Variants in CD33 observed in about 807,000 individuals in gnomAD.
CD33 encodes the protein myeloid cell surface antigen CD33.
In CD33, 25 loss-of-function variants were observed where a neutral mutation model predicts 31.4. The observed-to-expected ratio is 0.80, with a 90% CI of 0.58 to 1.11. The LOEUF (loss-of-function observed/expected upper bound fraction) is 1.11. Among genes scored for constraint, CD33 ranks in the 50% most tolerant of loss-of-function variants. CD33 has a pLI of 0.00. For synonymous variants in CD33, 176 were observed against 180.6 expected (o/e 0.97, Z 0.20); for missense variants, 407 against 448.1 (o/e 0.91, Z 0.83).
upstream of CD33, among the ~76,000 whole-genome samples, chr19:51,221,511 G>T (rs374524640): frequency 1.8e-4 from 27 of 152,242 alleles, no homozygotes; most frequent in African/African-American, 6.5e-4. Context: ...TGTTAACAAG[G>T]ATGTGAAACA....
At chr19:51,227,293 A>G (rs1981104476) in intron 4 of CD33, among the ~76,000 whole-genome samples, 1 of 152,278 alleles carries the variant, frequency 6.6e-6, no homozygotes. Flanking sequence ...AGAAACTTCC[A>G]TACTCTTCTC....
At chr19:51,217,708 C>T in the CD33 span, among the ~76,000 whole-genome samples, 2 of 152,146 alleles carry the variant, frequency 1.3e-5, no homozygotes, top group African/African-American at 4.8e-5. Context: ...CATGAGCTAC[C>T]ACTCCTGGCC....
chr19:51,226,646 T>C (rs1981057633), intron 4 of CD33, among the ~76,000 whole-genome samples: 1 of 152,216 alleles, frequency 6.6e-6, no homozygotes, highest in Non-Finnish European at 1.5e-5. Context: ...GATGTTTCCA[T>C]ACTAATAATG....
At chr19:51,219,961 A>G in the CD33 span, among the ~76,000 whole-genome samples, 1 of 152,198 alleles carries the variant, frequency 6.6e-6, no homozygotes, top group East Asian at 1.9e-4. Context: ...GTCTATGTTC[A>G]TCAGGGATAT....
chr19:51,211,096 C>T, the CD33 span: 1 of 1,547,650 alleles, frequency 6.5e-7, no homozygotes. Context: ...CCCGGGAAGC[C>T]TCTGCCTCAG....
At chr19:51,214,389 G>T in the CD33 span, among the ~76,000 whole-genome samples, 1 of 144,088 alleles carries the variant, frequency 6.9e-6, no homozygotes, top group Non-Finnish European at 1.5e-5. Context: ...GTAGAGACAG[G>T]GTTTCACCAT....
At chr19:51,226,244 G>A (rs1981020343) in intron 3 of CD33, 65 bp from the exon 4 acceptor site, 8 of 1,548,682 alleles carry the variant, frequency 5.2e-6, no homozygotes, top group South Asian at 2.2e-5. Context: ...CAGGAGTAAG[G>A]GGAAATGCCT....
intron 6 of CD33, chr19:51,236,235 C>A (rs1006729103): frequency 9.5e-6 from 2 of 210,786 alleles, no homozygotes; most frequent in Non-Finnish European, 2.0e-5. Context: ...TATGGAGAAG[C>A]ACCAGGGTCA....
chr19:51,235,469 A>T (rs1981717237), intron 5 of CD33, 126 bp from the exon 6 acceptor site: 3 of 1,456,318 alleles, frequency 2.1e-6, no homozygotes, highest in Middle Eastern at 2.4e-4. Flanking sequence ...CTTGTGACTA[A>T]GTCTTGTTTG....
upstream of CD33, among the ~76,000 whole-genome samples, chr19:51,224,665 C>T (rs375412504): frequency 5.9e-5 from 9 of 152,148 alleles, no homozygotes; most frequent in African/African-American, 1.2e-4. Context: ...GACACTCACA[C>T]GGACCCTATA....
chr19:51,211,184 G>C, the CD33 span: 31 of 1,583,142 alleles, frequency 2.0e-5, no homozygotes, highest in Admixed American at 3.6e-5. Context: ...GGGCTGGGCC[G>C]AGCTGACCCT....
Position 51,225,401 on chromosome 19 carries a change from C to T in CD33, c.221C>T (p.Ala74Val). Residue 74 changes from alanine (A) to valine (V), a missense_variant, in exon 2 of 7, where the codon GCC (alanine) becomes GTC (valine). Coordinates refer to ENST00000262262, the MANE Select transcript of CD33 (RefSeq NM_001772.4). The stretch of plus-strand genomic sequence containing the variant: ...ATTATATCCAGGGACTCTCCAGTGG[C>T]CACAAACAAGCTAGATCAAGAAGTA... ...GAIISRDSPV[A>V]TNKLDQEVQE... 1.9e-6 allele frequency: 3 copies of T among 1,614,140 alleles called. No homozygotes were observed. The highest frequency in any genetic ancestry group is 2.5e-6 in the Non-Finnish European group (3 of 1,180,004).
chr19:51,225,255 G>A lies in CD33; in HGVS notation c.75G>A (p.Val25=). 6.2e-7 allele frequency: 1 copy of A among 1,613,922 alleles called. No individual in the cohort carries two copies. The highest frequency in any genetic ancestry group is 8.5e-7 in the Non-Finnish European group (1 of 1,179,856). ...LAMDPNFWLQ[V]QESVTVQEGL... ...TGGATCCAAATTTCTGGCTGCAAGT[G>A]CAGGAGTCAGTGACGGTACAGGAGG... The change falls in exon 2 of 7, where the codon GTG becomes GTA. Residue 25 remains valine (V), a synonymous_variant. Transcript: ENST00000262262.
At chr19:51,218,248 C>T in the CD33 span, among the ~76,000 whole-genome samples, 13 of 152,218 alleles carry the variant, frequency 8.5e-5, no homozygotes, top group East Asian at 9.6e-4. Context: ...TTTCTCACTG[C>T]GGTTTTAATT....
rs1199073303 is a variant in CD33 at position 51,235,611 on chromosome 19, A to T, written c.859A>T (p.Arg287Trp). The T allele has an allele frequency of 6.2e-7, 1 of 1,613,862 alleles. No individual in the cohort carries two copies. The highest frequency in any genetic ancestry group is 1.7e-5 in the Admixed American group (1 of 59,988). ...TCCCATCAGAGTGAAGACCCACAGG[A>T]GGAAAGCAGCCAGGACAGCAGTGGG... ...LIFFIVKTHR[R>W]KAARTAVGRN... Residue 287 changes from arginine to tryptophan, a missense_variant, in exon 6 of 7, where the codon AGG becomes TGG. Transcript: ENST00000262262.
rs1175713218 is a variant in CD33 at position 51,239,791 on chromosome 19, T to C, written c.*103T>C. The C allele has an allele frequency of 1.2e-6, 1 of 818,880 alleles. No individual in the cohort carries two copies. The allele number at this position is 818,880 out of a possible 1,614,324, so 50.7% of individuals were successfully genotyped here. ...GATTTAACACCCCACAGGCAATGGGTTTATAGACATTATGTGAGTTTCCTG... is the reference window on the plus strand; with the variant it reads ...GATTTAACACCCCACAGGCAATGGGCTTATAGACATTATGTGAGTTTCCTG... On this transcript the variant is annotated 3_prime_UTR_variant, in exon 7 of 7. Coordinates refer to ENST00000262262, the MANE Select transcript of CD33 (RefSeq NM_001772.4).
chr19:51,214,432 G>A, the CD33 span, among the ~76,000 whole-genome samples: 9 of 151,568 alleles, frequency 5.9e-5, no homozygotes, highest in East Asian at 1.9e-4. Flanking sequence ...TTCTGACCTC[G>A]TGATCTGCCC....
the CD33 span, chr19:51,211,518 C>T: frequency 5.2e-6 from 8 of 1,534,738 alleles, no homozygotes; most frequent in Non-Finnish European, 6.1e-6. Context: ...ATCGTTCATA[C>T]TTCTTTCGGA....
the CD33 span, among the ~76,000 whole-genome samples, chr19:51,219,129 A>C: frequency 2.6e-5 from 4 of 152,076 alleles, no homozygotes; most frequent in Non-Finnish European, 5.9e-5. Context: ...GTCATTTTCA[A>C]GGTATTGATT....
Sources: allele counts gnomAD v4.1 joint callset (sites outside exome capture counted in the v4.1 genomes callset), GRCh38; gene constraint gnomAD v4.1.1; transcripts MANE v1.5; gene names NCBI Gene and HGNC (gene_info 2026-07-23, HGNC 2026-07-21).